SLC35F3: variants seen among roughly 807,000 people sequenced by gnomAD.
The protein encoded by SLC35F3 is putative thiamine transporter SLC35F3.
In SLC35F3, 25 loss-of-function variants were observed where a neutral mutation model predicts 49.9. That is an observed-to-expected ratio of 0.50 (90% CI 0.37 to 0.70). The LOEUF (loss-of-function observed/expected upper bound fraction) is 0.70, where lower values mean the gene tolerates loss of function less well. SLC35F3 is among the 30% of genes least tolerant of loss of function. The probability of loss-of-function intolerance (pLI) is 0.00; values close to 1 mark genes in which losing one functional copy is unlikely to be tolerated. For synonymous variants in SLC35F3, 275 were observed against 265.4 expected (o/e 1.04, Z -0.35); for missense variants, 525 against 639.8 (o/e 0.82, Z 1.94).
chr1:234,222,907 C>T (rs891161298), intron 2 of SLC35F3, among the ~76,000 whole-genome samples: 1 of 152,176 alleles, frequency 6.6e-6, no homozygotes, highest in Non-Finnish European at 1.5e-5. Context: ...TATATGGAGG[C>T]ATCATGTGCC....
intron 2 of SLC35F3, among the ~76,000 whole-genome samples, chr1:233,941,283 G>C (rs1662416116): frequency 6.6e-6 from 1 of 152,224 alleles, no homozygotes; most frequent in Admixed American, 6.5e-5. Context: ...ATTTCTCTGA[G>C]CTGATTTAAC....
intron 2 of SLC35F3, among the ~76,000 whole-genome samples, chr1:234,230,077 G>A (rs1392635337): frequency 6.6e-6 from 1 of 152,194 alleles, no homozygotes; most frequent in Non-Finnish European, 1.5e-5. Flanking sequence ...TAGAGAAGGA[G>A]GGAGGTTATT....
chr1:234,226,741 CA>C (rs1299399040), intron 2 of SLC35F3, among the ~76,000 whole-genome samples: 1 of 152,030 alleles, frequency 6.6e-6, no homozygotes, highest in African/African-American at 2.4e-5. Context: ...TCTGCTTAAC[CA>C]AAGAGTGTGA....
At chr1:234,188,316 C>T (rs558299136) in intron 2 of SLC35F3, among the ~76,000 whole-genome samples, 1 of 152,004 alleles carries the variant, frequency 6.6e-6, no homozygotes, top group African/African-American at 2.4e-5. Context: ...CCTGTTCACC[C>T]ACTGCCTGGA....
chr1:234,081,768 C>T (rs1167399313), intron 2 of SLC35F3, among the ~76,000 whole-genome samples: 3 of 151,624 alleles, frequency 2.0e-5, no homozygotes, highest in African/African-American at 7.3e-5. Flanking sequence ...CACAGAGTCT[C>T]ACTCTGTTGC....
intron 2 of SLC35F3, among the ~76,000 whole-genome samples, chr1:234,010,348 A>T (rs1222046503): frequency 6.6e-6 from 1 of 152,202 alleles, no homozygotes; most frequent in African/African-American, 2.4e-5. Flanking sequence ...TAGATGCACA[A>T]AACATAAATT....
chr1:234,279,843 CT>C (rs1413012720), intron 3 of SLC35F3, among the ~76,000 whole-genome samples: 2 of 152,196 alleles, frequency 1.3e-5, no homozygotes, highest in Admixed American at 1.3e-4. Context: ...CAGACCTTGG[CT>C]TTGCTCCATT....
At chr1:234,267,186 G>T (rs1667996063) in intron 3 of SLC35F3, among the ~76,000 whole-genome samples, 1 of 131,542 alleles carries the variant, frequency 7.6e-6, no homozygotes, top group South Asian at 2.6e-4. Context: ...AGAGAGCACA[G>T]GGTTGGGGAT....
chr1:233,967,496 A>G (rs1308764450), intron 2 of SLC35F3, among the ~76,000 whole-genome samples: 4 of 152,236 alleles, frequency 2.6e-5, no homozygotes, highest in Admixed American at 2.0e-4. Flanking sequence ...GAAATGTAAA[A>G]TAAATTTGAC....
intron 2 of SLC35F3, among the ~76,000 whole-genome samples, chr1:234,177,538 G>T (rs1666494558): frequency 6.6e-6 from 1 of 152,160 alleles, no homozygotes; most frequent in Non-Finnish European, 1.5e-5. Context: ...CAGTGTCGAA[G>T]CCCCCAATGC....
At chr1:234,260,925 G>C (rs935520546) in intron 3 of SLC35F3, among the ~76,000 whole-genome samples, 1 of 152,214 alleles carries the variant, frequency 6.6e-6, no homozygotes, top group Non-Finnish European at 1.5e-5. Context: ...TCCCATGAGA[G>C]GGAAATAGTT....
At chr1:234,069,574 C>T (rs1664682928) in intron 2 of SLC35F3, among the ~76,000 whole-genome samples, 1 of 152,144 alleles carries the variant, frequency 6.6e-6, no homozygotes, top group Non-Finnish European at 1.5e-5. Flanking sequence ...ATTTTGAAAG[C>T]ATCTCTCTGT....
chr1:234,288,381 C>T (rs1668456333), intron 3 of SLC35F3, among the ~76,000 whole-genome samples: 1 of 152,218 alleles, frequency 6.6e-6, no homozygotes, highest in Non-Finnish European at 1.5e-5. Flanking sequence ...GCATTTAGTG[C>T]TTTTCAAAAT....
chr1:234,209,518 G>A (rs1207871111), intron 2 of SLC35F3, among the ~76,000 whole-genome samples: 4 of 152,042 alleles, frequency 2.6e-5, no homozygotes, highest in Non-Finnish European at 2.9e-5. Flanking sequence ...AAAAAGAAGT[G>A]TTCACTTAAG....
intron 3 of SLC35F3, among the ~76,000 whole-genome samples, chr1:234,273,226 A>G (rs934917650): frequency 2.0e-5 from 3 of 152,338 alleles, no homozygotes; most frequent in South Asian, 2.1e-4. Context: ...CAGACGTCTG[A>G]CTGCCAGCTG....
At chr1:234,254,498 A>C (rs1240557732) in intron 3 of SLC35F3, among the ~76,000 whole-genome samples, 4 of 152,238 alleles carry the variant, frequency 2.6e-5, no homozygotes, top group Non-Finnish European at 5.9e-5. Flanking sequence ...ATGAAGCACA[A>C]ACGTTATGAA....
rs78137543 is a variant in SLC35F3, at chr1:234,231,581, G to A, written c.448G>A (p.Ala150Thr). ...CGTGCTGTGCGTGTGCTCCTCGTGG[G>A]CGGGCTCCACGCAGCTCGCCAAGCT... ...AVVLCVCSSW[A>T]GSTQLAKLTF... The change falls in exon 3 of 8, where the codon GCG becomes ACG. Residue 150 changes from alanine to threonine, a missense_variant. Around this residue, in one of 4 missense-constraint regions of SLC35F3, gnomAD observed 228 missense variants for 218.9 expected, o/e 1.04. Coordinates refer to ENST00000366618, the MANE Select transcript of SLC35F3 (RefSeq NM_173508.4). The surrounding 1 kb of genome is among the most constrained non-coding windows in gnomAD (Gnocchi z 5.4). 1,249 of 1,614,190 alleles carry A rather than the reference G, an allele frequency of 7.7e-4. 5 individuals carry two copies. In the African/African-American group the frequency reaches 0.013, roughly 16 times the overall value.
chr1:234,044,079 T>TGGGG (rs1664258391), intron 2 of SLC35F3, among the ~76,000 whole-genome samples: 1 of 152,222 alleles, frequency 6.6e-6, no homozygotes, highest in Non-Finnish European at 1.5e-5. Context: ...ATGAGTGGCT[T>TGGGG]GGTGACCTTC....
At chr1:234,060,823 T>G (rs1267631586) in intron 2 of SLC35F3, among the ~76,000 whole-genome samples, 5 of 152,188 alleles carry the variant, frequency 3.3e-5, no homozygotes, top group Non-Finnish European at 7.3e-5. Flanking sequence ...TTCCTGTGTA[T>G]TTGAGTTACA....
Sources: allele counts gnomAD v4.1 joint callset (sites outside exome capture counted in the v4.1 genomes callset), GRCh38; gene constraint gnomAD v4.1.1; regional missense constraint gnomAD v4.1.1; non-coding constraint Gnocchi (gnomAD v3.1); transcripts MANE v1.5; gene names NCBI Gene and HGNC (gene_info 2026-07-23, HGNC 2026-07-21).